The following RCAN1 variants were observed in gnomAD, a reference collection of about 807,000 sequenced individuals.
RCAN1 encodes regulator of calcineurin 1.
A neutral mutation model predicts 22.9 loss-of-function variants in RCAN1; 11 were observed. The observed-to-expected ratio is 0.48, with a 90% CI of 0.30 to 0.79. The LOEUF (loss-of-function observed/expected upper bound fraction) is 0.79. Ranked by LOEUF, RCAN1 falls within the 30% of genes least tolerant of loss-of-function variation. RCAN1 has a pLI of 0.06. For missense variants in RCAN1, 291 were observed against 337.8 expected, an observed-to-expected ratio of 0.86 and a Z score of 1.09; for synonymous variants, 136 against 142.3, an observed-to-expected ratio of 0.96 and a Z score of 0.32.
Position 34,517,831 on chromosome 21 carries a change from C to A in RCAN1, c.*253G>T. On this transcript the variant is annotated 3_prime_UTR_variant, in exon 4 of 4. Transcript: ENST00000313806. The stretch of plus-strand genomic sequence containing the variant: ...TCATTATCTGTTTTCTCAAGACAGT[C>A]CCAAATGTCCTTGTGCGATCACCAC... 1 of 538,214 alleles carries A rather than the reference C, an allele frequency of 1.9e-6. No homozygotes were observed. The highest frequency in any genetic ancestry group is 3.3e-6 in the Non-Finnish European group (1 of 300,938). 33.3% of individuals were successfully genotyped at this position (538,214 alleles called of 1,614,324 possible).
chr21:34,518,688 G>C lies in RCAN1; in HGVS notation c.587-432C>G, dbSNP rs1386894997. Among the ~76,000 whole-genome samples, 1 of 152,230 alleles carries C rather than the reference G, an allele frequency of 6.6e-6. No homozygotes were observed. The highest frequency in any genetic ancestry group is 1.5e-5 in the Non-Finnish European group (1 of 68,040). ...GGCCTCCCTCATGCAGCTCCTATTT[G>C]AGGGTCGCAGTGCACGCCCAGGAAG... On this transcript the variant is annotated intron_variant, in intron 3 of 3. Transcript: ENST00000313806. This position sits in a 1 kb window ranked among gnomAD's most constrained non-coding sequence, Gnocchi z 4.2.
intron 1 of RCAN1, among the ~76,000 whole-genome samples, chr21:34,572,982 TG>T (rs112902159): frequency 0.051 from 7,695 of 152,182 alleles, 239 homozygotes; most frequent in East Asian, 0.14. Context: ...GGCCCAACAC[TG>T]GGGATTACAA....
chr21:34,614,782 A>T lies in RCAN1; in HGVS notation c.230T>A (p.Val77Glu). The change falls in exon 1 of 4, where the codon GTG (valine) becomes GAG (glutamate). Residue 77 changes from valine (V) to glutamate (E), a missense_variant. Coordinates refer to ENST00000313806, the MANE Select transcript of RCAN1 (RefSeq NM_004414.7). This position sits in a 1 kb window ranked among gnomAD's most constrained non-coding sequence, Gnocchi z 6.0. ...ATIACHLDPR[V>E]FVDGLCRAKF... ...CACCCGGCACAGGCCGTCCACGAAC[A>T]CGCGCGGGTCCAGGTGACAGGCGAT... 1 of 1,462,338 alleles carries T rather than the reference A, an allele frequency of 6.8e-7. No individual in the cohort carries two copies. Among genetic ancestry groups the T allele is most frequent in the Non-Finnish European group, 9.1e-7 (1 of 1,103,510 alleles). 90.6% of individuals were successfully genotyped at this position (1,462,338 alleles called of 1,614,324 possible). A position where few individuals can be genotyped will look rare whatever the true frequency, so the allele number is the denominator to read the frequency against.
At position 34,598,498 on chromosome 21, in the gene RCAN1, A is replaced by C. The variant is rs540858776; in HGVS notation, c.252+16262T>G. The stretch of plus-strand genomic sequence containing the variant: ...GGAACATCCCACAGGTAACATGCAA[A>C]CGAGAAAACCAGAAATCTAACTCAC... On this transcript the variant is annotated intron_variant, in intron 1 of 3. Coordinates refer to ENST00000313806, the MANE Select transcript of RCAN1 (RefSeq NM_004414.7). Among the ~76,000 whole-genome samples, 5 of 152,326 alleles carry C rather than the reference A, an allele frequency of 3.3e-5. No individual in the cohort carries two copies. In the East Asian group the frequency reaches 7.7e-4, roughly 23 times the overall value.
At chr21:34,532,753 T>TGATAGATA (rs1985456563) in intron 1 of RCAN1, among the ~76,000 whole-genome samples, 1 of 152,186 alleles carries the variant, frequency 6.6e-6, no homozygotes, top group Non-Finnish European at 1.5e-5. Context: ...GCCTTTTACA[T>TGATAGATA]GATAGATATG....
At chr21:34,596,642 G>A (rs1988167408) in intron 1 of RCAN1, among the ~76,000 whole-genome samples, 1 of 152,246 alleles carries the variant, frequency 6.6e-6, no homozygotes, top group Non-Finnish European at 1.5e-5. Context: ...GATGCAGAAA[G>A]TCTTCTTTTA....
intron 1 of RCAN1, among the ~76,000 whole-genome samples, chr21:34,586,468 A>G (rs960856721): frequency 2.0e-5 from 3 of 152,230 alleles, no homozygotes; most frequent in Admixed American, 1.3e-4. Context: ...ATTATACTGG[A>G]AATCAGAAAA....
intron 1 of RCAN1, among the ~76,000 whole-genome samples, chr21:34,589,920 TC>T (rs1482728463): frequency 6.6e-6 from 1 of 152,202 alleles, no homozygotes; most frequent in Non-Finnish European, 1.5e-5. Context: ...ATGATAAATT[TC>T]TTTATATATC....
At chr21:34,572,935 G>A (rs760477096) in intron 1 of RCAN1, among the ~76,000 whole-genome samples, 2 of 152,082 alleles carry the variant, frequency 1.3e-5, no homozygotes, top group African/African-American at 4.8e-5. Context: ...AATAGCAAGG[G>A]GGGAATCTAC....
chr21:34,563,786 T>TAG (rs1412162405), intron 1 of RCAN1, among the ~76,000 whole-genome samples: 1 of 100,816 alleles, frequency 9.9e-6, no homozygotes, highest in African/African-American at 4.0e-5. Context: ...TATATATATA[T>TAG]ATATATATAG....
chr21:34,538,711 T>C (rs1985788374), intron 1 of RCAN1, among the ~76,000 whole-genome samples: 1 of 152,096 alleles, frequency 6.6e-6, no homozygotes, highest in Non-Finnish European at 1.5e-5. Flanking sequence ...GACCGGGCCT[T>C]GATACCCCCA....
Position 34,521,338 on chromosome 21 carries a change from C to T in RCAN1, c.586+161G>A, listed in dbSNP as rs771920959. 2.7e-5 allele frequency: 41 copies of T among 1,505,274 alleles called. No homozygotes were observed. The South Asian group carries it at 4.2e-4, about 15-fold the overall frequency. 93.2% of individuals were successfully genotyped at this position (1,505,274 alleles called of 1,614,324 possible). On this transcript the variant is annotated intron_variant, in intron 3 of 3. Transcript: ENST00000313806. ...GGTGGTGCCAAGAGGCAGGCATGCT[C>T]CCAGCACAAGGGACGGTGGCGCAGA...
chr21:34,563,820 G>GAGAGAGAGA (rs1986903138), intron 1 of RCAN1, among the ~76,000 whole-genome samples: 14 of 134,454 alleles, frequency 1.0e-4, no homozygotes, highest in Admixed American at 1.5e-4. Context: ...GAGAGAGAGA[G>GAGAGAGAGA]GCAGGCATGG....
At chr21:34,602,822 G>A (rs1988397037) in intron 1 of RCAN1, among the ~76,000 whole-genome samples, 1 of 152,138 alleles carries the variant, frequency 6.6e-6, no homozygotes, top group Non-Finnish European at 1.5e-5. Flanking sequence ...TTCTCTCTCT[G>A]TATTTCTTTA....
At chr21:34,551,395 T>A (rs1198162207) in intron 1 of RCAN1, among the ~76,000 whole-genome samples, 1 of 152,202 alleles carries the variant, frequency 6.6e-6, no homozygotes, top group East Asian at 1.9e-4. Flanking sequence ...AAAATAATGA[T>A]GTTGATTTGC....
chr21:34,559,862 T>C (rs1986723226), intron 1 of RCAN1: 2 of 152,202 alleles, frequency 1.3e-5, no homozygotes, highest in African/African-American at 4.8e-5. Flanking sequence ...TGCCCTGTGA[T>C]TCTGTGGTCC....
intron 1 of RCAN1, among the ~76,000 whole-genome samples, chr21:34,524,846 C>CG (rs1201984791): frequency 6.6e-6 from 1 of 152,020 alleles, no homozygotes; most frequent in Non-Finnish European, 1.5e-5. Flanking sequence ...GTGTGGCTGT[C>CG]GGTGGGGGCA....
intron 1 of RCAN1, among the ~76,000 whole-genome samples, chr21:34,529,862 T>C (rs187641543): frequency 5.5e-4 from 83 of 152,272 alleles, no homozygotes; most frequent in Non-Finnish European, 1.1e-3. Flanking sequence ...GGGGGGCCAG[T>C]CTTTCCTGTG....
intron 1 of RCAN1, chr21:34,526,691 CTGTT>C (rs749238792): frequency 6.2e-7 from 1 of 1,613,612 alleles, no homozygotes; most frequent in Non-Finnish European, 8.5e-7. Context: ...GAAGATATCA[CTGTT>C]TGCCACACAG....
Sources: allele counts gnomAD v4.1 joint callset (sites outside exome capture counted in the v4.1 genomes callset), GRCh38; gene constraint gnomAD v4.1.1; non-coding constraint Gnocchi (gnomAD v3.1); transcripts MANE v1.5; gene names NCBI Gene and HGNC (gene_info 2026-07-23, HGNC 2026-07-21).